Variants in PM20D1 observed in about 807,000 individuals in gnomAD.
PM20D1 encodes peptidase M20 domain containing 1.
In PM20D1, 53 loss-of-function variants were observed where a neutral mutation model predicts 53.8. That is an observed-to-expected ratio of 0.98 (90% CI 0.79 to 1.24). The LOEUF (loss-of-function observed/expected upper bound fraction) is 1.24, where lower values mean the gene tolerates loss of function less well. Ranked by LOEUF, PM20D1 falls within the 50% of genes most tolerant of loss-of-function variation. The probability of loss-of-function intolerance (pLI) is 0.00; values close to 1 mark genes in which losing one functional copy is unlikely to be tolerated. For synonymous variants in PM20D1, 239 were observed against 241.3 expected (o/e 0.99, Z 0.09); for missense variants, 564 against 616.8 (o/e 0.91, Z 0.91).
chr1:205,848,619 T>TTCCC (rs1486812107), intron 1 of PM20D1, among the ~76,000 whole-genome samples: 1 of 152,222 alleles, frequency 6.6e-6, no homozygotes, highest in African/African-American at 2.4e-5. Flanking sequence ...CTTTGAGTCT[T>TTCCC]TAAGACTTTA....
intron 5 of PM20D1, 118 bp downstream of exon 5, chr1:205,843,969 T>C: frequency 6.7e-7 from 1 of 1,483,840 alleles, no homozygotes. Flanking sequence ...ATTGGGGCGA[T>C]TAATGCGAGA....
At chr1:205,844,742 T>A in intron 4 of PM20D1, 69 bp downstream of exon 4, 2 of 1,426,750 alleles carry the variant, frequency 1.4e-6, no homozygotes, top group South Asian at 2.4e-5. Context: ...CAAACTGGAC[T>A]AGGGTTAAGC....
intron 10 of PM20D1, among the ~76,000 whole-genome samples, chr1:205,833,813 C>T (rs185298553): frequency 1.3e-5 from 2 of 152,074 alleles, no homozygotes; most frequent in Admixed American, 6.5e-5. Flanking sequence ...CCCATAGCTG[C>T]AGATCACCTG....
chr1:205,835,449 G>T (rs567483061), intron 10 of PM20D1, among the ~76,000 whole-genome samples: 2 of 152,098 alleles, frequency 1.3e-5, no homozygotes, highest in East Asian at 3.9e-4. Flanking sequence ...TCAGGAGATC[G>T]AGACCATCCT....
At chr1:205,838,570 T>C (rs1371110359) in intron 10 of PM20D1, among the ~76,000 whole-genome samples, 2 of 152,186 alleles carry the variant, frequency 1.3e-5, no homozygotes, top group African/African-American at 4.8e-5. Context: ...CTCTTTTCTC[T>C]CCTAGCTCTC....
intron 12 of PM20D1, among the ~76,000 whole-genome samples, chr1:205,829,063 C>T (rs1311532963): frequency 1.3e-5 from 2 of 152,250 alleles, no homozygotes; most frequent in African/African-American, 2.4e-5. Context: ...TAGGTTCTCA[C>T]TCTGTAGCCC....
intron 10 of PM20D1, among the ~76,000 whole-genome samples, chr1:205,834,756 A>G (rs1405180427): frequency 6.6e-6 from 1 of 152,132 alleles, no homozygotes; most frequent in Admixed American, 6.6e-5. Context: ...CACTGCCCCA[A>G]ATTCCTTAGA....
In PM20D1 at chr1:205,844,805, C is replaced by T. The variant is rs770293294; in HGVS notation, c.576+6G>A. 1 of 1,608,356 alleles carries T rather than the reference C, an allele frequency of 6.2e-7. No individual in the cohort carries two copies. The highest frequency in any genetic ancestry group is 8.5e-7 in the Non-Finnish European group (1 of 1,175,040). On this transcript the variant is annotated splice_donor_region_variant and intron_variant, in intron 4 of 12. Coordinates refer to ENST00000367136, the MANE Select transcript of PM20D1 (RefSeq NM_152491.5). ...CAGAGATAGGTATAAGGTGAGGAGG[C>T]TCTACCTCCTCATCATGGCCCAGAG...
In PM20D1 at chr1:205,845,356, C is replaced by T. The variant is rs201307002; in HGVS notation, c.458G>A (p.Arg153Gln). Residue 153 changes from arginine (R) to glutamine (Q), a missense_variant, in exon 3 of 13, where the codon CGG becomes CAG. Physicochemically the swap from Arg to Gln is conservative, Grantham distance 43. Coordinates refer to ENST00000367136, the MANE Select transcript of PM20D1 (RefSeq NM_152491.5). ...GLERDGIIYG[R>Q]GTLDDKNSVM... Reference sequence around the variant, plus strand: ...AGAGTTCTTGTCGTCCAGTGTGCCCCGACCATAGATGATGCCATCACGCTC... The same window carrying T: ...AGAGTTCTTGTCGTCCAGTGTGCCCTGACCATAGATGATGCCATCACGCTC... 23 of 1,614,116 alleles carry T rather than the reference C, an allele frequency of 1.4e-5. No homozygotes were observed. The highest frequency in any genetic ancestry group is 1.1e-4 in the East Asian group (5 of 44,868).
At chr1:205,844,956 G>A (rs1656915049) in intron 3 of PM20D1, 59 bp from the exon 4 acceptor site, 1 of 1,447,936 alleles carries the variant, frequency 6.9e-7, no homozygotes, top group Non-Finnish European at 9.6e-7. Flanking sequence ...GGAATACCAG[G>A]GTATCAGAGA....
At chr1:205,832,560 C>A (rs754712662) in intron 11 of PM20D1, 38 bp downstream of exon 11, 11 of 1,608,474 alleles carry the variant, frequency 6.8e-6, no homozygotes, top group Non-Finnish European at 9.4e-6. Flanking sequence ...CAGTTCCAGC[C>A]CCCTCCTCCC....
intron 7 of PM20D1, 99 bp downstream of exon 7, chr1:205,842,577 G>T: frequency 8.4e-7 from 1 of 1,188,518 alleles, no homozygotes. Context: ...TAGGCAGAGT[G>T]CTGGACAGTA....
At chr1:205,840,751 A>T (rs1305657692) in intron 9 of PM20D1, among the ~76,000 whole-genome samples, 1 of 152,234 alleles carries the variant, frequency 6.6e-6, no homozygotes, top group African/African-American at 2.4e-5. Context: ...GACCCCCATC[A>T]TGGCATAGCA....
Position 205,842,163 on chromosome 1 carries a change from A to G in PM20D1, c.956T>C (p.Leu319Pro), listed in dbSNP as rs749625234. 9 of 1,611,642 alleles carry G rather than the reference A, an allele frequency of 5.6e-6. No individual in the cohort carries two copies. The South Asian group carries it at 9.9e-5, about 18-fold the overall frequency. Residue 319 changes from leucine (L) to proline (P), a missense_variant, in exon 8 of 13, where the codon CTT (leucine) becomes CCT (proline). Transcript: ENST00000367136. ...ILSNPWLFEP[L>P]ISRFMERNPL... Reference sequence around the variant, plus strand: ...AAAGATAATACTTTACCTGCTTATAAGTGGTTCAAATAGCCATGGGTTGCT... The same window carrying G: ...AAAGATAATACTTTACCTGCTTATAGGTGGTTCAAATAGCCATGGGTTGCT...
At chr1:205,833,889 C>T (rs1318972893) in intron 10 of PM20D1, among the ~76,000 whole-genome samples, 3 of 152,064 alleles carry the variant, frequency 2.0e-5, no homozygotes, top group African/African-American at 7.2e-5. Flanking sequence ...ACTCTGTCGC[C>T]CAGGCTGGAG....
intron 11 of PM20D1, 47 bp downstream of exon 11, chr1:205,832,551 A>C (rs750937226): frequency 2.5e-6 from 4 of 1,600,212 alleles, no homozygotes; most frequent in Non-Finnish European, 3.4e-6. Context: ...GATAGGAAAC[A>C]GTTCCAGCCC....
chr1:205,842,880 T>A lies in PM20D1; in HGVS notation c.828-129A>T, dbSNP rs1323625774. On this transcript the variant is annotated intron_variant, in intron 6 of 12. Transcript: ENST00000367136. ...CCAAGAGGTCTCTCATTCACCTCCC[T>A]CCCACCTCCACCAACTCAACATTCT... 4 of 717,170 alleles carry A rather than the reference T, an allele frequency of 5.6e-6. No homozygotes were observed. The African/African-American group carries it at 7.0e-5, about 13-fold the overall frequency. 44.4% of individuals were successfully genotyped at this position (717,170 alleles called of 1,614,324 possible).
In PM20D1 at chr1:205,849,933, T is replaced by A. The variant is rs1473173502; in HGVS notation, c.140A>T (p.Glu47Val). 1.9e-6 allele frequency: 3 copies of A among 1,613,422 alleles called. No individual in the cohort carries two copies. The East Asian group carries it at 6.7e-5, about 36-fold the overall frequency. Residue 47 changes from glutamate (E) to valine (V), a missense_variant, in exon 1 of 13, where the codon GAA (glutamate) becomes GTA (valine). Transcript: ENST00000367136. ...SRIPSQFSKE[E>V]RVAMKEALKG... ...CAGCGCCTCTTTCATCGCGACGCGT[T>A]CCTCTTTGCTGAACTGAGAAGGGAT...
intron 1 of PM20D1, 79 bp downstream of exon 1, chr1:205,849,825 A>C: frequency 6.6e-7 from 1 of 1,504,472 alleles, no homozygotes; most frequent in Non-Finnish European, 9.0e-7. Flanking sequence ...TTTGCGGCGG[A>C]AGCGGGGAGT....
Sources: gnomAD v4.1 joint callset for allele counts (sites outside exome capture counted in the v4.1 genomes callset) on GRCh38, gnomAD v4.1.1 for gene constraint, MANE v1.5 for transcripts, NCBI Gene and HGNC (gene_info 2026-07-23, HGNC 2026-07-21) for gene names.